USH2A: variants seen among roughly 807,000 people sequenced by gnomAD.
USH2A encodes usherin.
In USH2A, 443 loss-of-function variants were observed where a neutral mutation model predicts 538.9. That is an observed-to-expected ratio of 0.82 (90% CI 0.76 to 0.89). The LOEUF (loss-of-function observed/expected upper bound fraction) is 0.89, where lower values mean the gene tolerates loss of function less well. USH2A is among the 40% of genes least tolerant of loss of function. The pLI is 0.00. For missense variants in USH2A, 6,633 were observed against 6,324.8 expected, an observed-to-expected ratio of 1.05 and a Z score of -1.65; for synonymous variants, 2,413 against 2,273.5, an observed-to-expected ratio of 1.06 and a Z score of -1.75.
Position 215,790,149 on chromosome 1 carries a change from A to G in USH2A, c.10092T>C (p.Ile3364=). The G allele has an allele frequency of 6.2e-7, 1 of 1,613,928 alleles. No individual in the cohort carries two copies. Among genetic ancestry groups the G allele is most frequent in the Non-Finnish European group, 8.5e-7 (1 of 1,179,986 alleles). The change falls in exon 51 of 72, where the codon ATT becomes ATC. Residue 3364 remains isoleucine, a synonymous_variant. Transcript: ENST00000307340. The part of the protein sequence containing the change: ...VPVKCCETEL[I]PKSQKCCNGV... ...CATTACAGCATTTCTGGCTCTTTGG[A>G]ATAAGTTCAGTCTCACAGCATTTTA...
intron 38 of USH2A, among the ~76,000 whole-genome samples, chr1:215,929,927 G>T (rs954107548): frequency 5.3e-5 from 8 of 151,832 alleles, no homozygotes; most frequent in Non-Finnish European, 1.0e-4. Flanking sequence ...TGGATAAGTG[G>T]AGAGGGGGTT....
intron 38 of USH2A, among the ~76,000 whole-genome samples, chr1:215,902,807 A>C (rs1178937874): frequency 1.3e-5 from 2 of 152,126 alleles, no homozygotes; most frequent in Non-Finnish European, 2.9e-5. Flanking sequence ...GGCAGTAAGG[A>C]GGAAAACATT....
At chr1:216,333,909 A>G (rs553285045) in intron 4 of USH2A, among the ~76,000 whole-genome samples, 254 of 152,246 alleles carry the variant, frequency 1.7e-3, no homozygotes, top group African/African-American at 5.6e-3. Flanking sequence ...CAGATAAAGA[A>G]ATATTGAGAG....
intron 47 of USH2A, among the ~76,000 whole-genome samples, chr1:215,824,902 C>T (rs1044753315): frequency 2.6e-5 from 4 of 152,116 alleles, no homozygotes; most frequent in South Asian, 2.1e-4. Context: ...ACCATCTGCT[C>T]GGAGATTTTC....
At chr1:216,128,244 C>G (rs550630227) in intron 21 of USH2A, among the ~76,000 whole-genome samples, 74 of 152,196 alleles carry the variant, frequency 4.9e-4, no homozygotes, top group African/African-American at 1.6e-3. Flanking sequence ...GCTTTTTCAT[C>G]TAACTTATTT....
intron 64 of USH2A, among the ~76,000 whole-genome samples, chr1:215,659,531 C>A (rs994180587): frequency 3.3e-5 from 5 of 152,018 alleles, no homozygotes; most frequent in Admixed American, 2.0e-4. Flanking sequence ...ATACTGAACA[C>A]CTTCTATGTA....
rs770946113 is a variant in USH2A, at chr1:216,246,676, C to T, written c.2718G>A (p.Gly906=). The T allele has an allele frequency of 7.4e-6, 12 of 1,614,114 alleles. No individual in the cohort carries two copies. Among genetic ancestry groups the T allele is most frequent in the Non-Finnish European group, 1.0e-5 (12 of 1,179,974 alleles). ...HCQMCECDSL[G]TLPGTICDPI... is the part of the protein sequence containing the mutation. ...GGTCACAAATGGTCCCAGGTAATGT[C>T]CCCAAGGAATCACACTCACACATCT... is the stretch of plus-strand genomic sequence containing the variant. Residue 906 remains glycine (G), a synonymous_variant, in exon 13 of 72, where the codon GGG becomes GGA. Transcript: ENST00000307340.
At chr1:216,146,086 C>A (rs1342417141) in intron 21 of USH2A, among the ~76,000 whole-genome samples, 2 of 152,196 alleles carry the variant, frequency 1.3e-5, no homozygotes, top group Non-Finnish European at 2.9e-5. Flanking sequence ...GGGGACCTCC[C>A]TTGGGAGATC....
intron 21 of USH2A, among the ~76,000 whole-genome samples, chr1:216,117,464 T>A (rs150288458): frequency 1.8e-4 from 28 of 152,328 alleles, no homozygotes; most frequent in Admixed American, 1.3e-3. Context: ...CACACTGATG[T>A]GGGAATTAAT....
At chr1:215,653,811 A>T (rs989785109) in intron 64 of USH2A, among the ~76,000 whole-genome samples, 9 of 152,198 alleles carry the variant, frequency 5.9e-5, no homozygotes, top group Non-Finnish European at 1.2e-4. Context: ...CTAACAGGTT[A>T]TGCTTATGAT....
At chr1:215,797,566 A>C (rs922316927) in intron 50 of USH2A, among the ~76,000 whole-genome samples, 1 of 151,538 alleles carries the variant, frequency 6.6e-6, no homozygotes. Context: ...CACTGCAAAA[A>C]CTCTAGGGCC....
At chr1:216,009,653 A>T (rs1432610602) in intron 32 of USH2A, among the ~76,000 whole-genome samples, 2 of 151,916 alleles carry the variant, frequency 1.3e-5, no homozygotes, top group Non-Finnish European at 2.9e-5. Context: ...CCTTTTCTAC[A>T]GACCCATCTG....
intron 17 of USH2A, among the ~76,000 whole-genome samples, chr1:216,199,280 CT>C (rs1231764620): frequency 6.6e-6 from 1 of 152,020 alleles, no homozygotes; most frequent in Non-Finnish European, 1.5e-5. Flanking sequence ...AAATGTACTG[CT>C]TGTGGGTGCC....
rs779661605 is a variant in USH2A, at chr1:215,779,970, C to T, written c.10812G>A (p.Val3604=). Residue 3604 remains valine (V), a synonymous_variant, in exon 55 of 72, where the codon GTG becomes GTA. Transcript: ENST00000307340. Reference sequence around the variant, plus strand: ...GGACACTCCAGCTCAGATGCAGAGCCACTGCACTTAGGGCTGTGATGCTTG... The same window carrying T: ...GGACACTCCAGCTCAGATGCAGAGCTACTGCACTTAGGGCTGTGATGCTTG... The part of the protein sequence containing the change: ...LPPSITALSA[V]ALHLSWSVPE... The T allele has an allele frequency of 6.2e-7, 1 of 1,613,998 alleles. No homozygotes were observed. Among genetic ancestry groups the T allele is most frequent in the Admixed American group, 1.7e-5 (1 of 59,994 alleles).
intron 57 of USH2A, among the ~76,000 whole-genome samples, chr1:215,759,416 T>C (rs1442069654): frequency 1.3e-5 from 2 of 152,108 alleles, no homozygotes; most frequent in Non-Finnish European, 2.9e-5. Context: ...ACTTCATGTA[T>C]TTTGTATATT....
chr1:216,052,699 G>A (rs780747460), intron 30 of USH2A, among the ~76,000 whole-genome samples: 19 of 152,180 alleles, frequency 1.2e-4, no homozygotes, highest in Non-Finnish European at 2.5e-4. Flanking sequence ...CAAGGGGCTG[G>A]TCAAATATGT....
intron 33 of USH2A, among the ~76,000 whole-genome samples, chr1:215,999,295 C>A (rs1668211056): frequency 6.6e-6 from 1 of 152,066 alleles, no homozygotes; most frequent in Non-Finnish European, 1.5e-5. Context: ...AATTAGCTAA[C>A]AATACAAAAA....
intron 4 of USH2A, among the ~76,000 whole-genome samples, chr1:216,356,613 C>G (rs1471712721): frequency 6.6e-6 from 1 of 151,968 alleles, no homozygotes; most frequent in Non-Finnish European, 1.5e-5. Flanking sequence ...AATAACACAT[C>G]ATGAACCCAT....
intron 3 of USH2A, among the ~76,000 whole-genome samples, chr1:216,399,135 C>G (rs138868682): frequency 1.3e-5 from 2 of 152,128 alleles, no homozygotes; most frequent in African/African-American, 4.8e-5. Flanking sequence ...ACATTCCCCC[C>G]GGCTCTGGCA....
Sources: allele counts gnomAD v4.1 joint callset (sites outside exome capture counted in the v4.1 genomes callset), GRCh38; gene constraint gnomAD v4.1.1; transcripts MANE v1.5; gene names NCBI Gene and HGNC (gene_info 2026-07-23, HGNC 2026-07-21).